ALPK1: variants seen among roughly 807,000 people sequenced by gnomAD.
ALPK1 encodes alpha kinase 1.
A neutral mutation model predicts 120.6 loss-of-function variants in ALPK1; 110 were observed. The observed-to-expected ratio is 0.91, with a 90% CI of 0.78 to 1.07. The LOEUF (loss-of-function observed/expected upper bound fraction) is 1.07, where lower values mean the gene tolerates loss of function less well. Ranked by LOEUF, ALPK1 falls within the 50% of genes least tolerant of loss-of-function variation. The pLI, the probability that ALPK1 is intolerant of heterozygous loss-of-function variation, is 0.00. For missense variants in ALPK1, 1,498 were observed against 1,483.9 expected, an observed-to-expected ratio of 1.01 and a Z score of -0.16; for synonymous variants, 582 against 560.3, an observed-to-expected ratio of 1.04 and a Z score of -0.55.
At chr4:112,429,293 T>C in intron 10 of ALPK1, 40 bp downstream of exon 10, 1 of 1,495,530 alleles carries the variant, frequency 6.7e-7, no homozygotes, top group Non-Finnish European at 9.2e-7. Context: ...CCACAGGACC[T>C]CTCCCAGGGT....
At chr4:112,361,449 C>T (rs1462479562) in intron 2 of ALPK1, among the ~76,000 whole-genome samples, 1 of 152,202 alleles carries the variant, frequency 6.6e-6, no homozygotes, top group Non-Finnish European at 1.5e-5. Flanking sequence ...GGCATTCCCC[C>T]ACTTCTCTGG....
intron 2 of ALPK1, among the ~76,000 whole-genome samples, chr4:112,369,263 T>C (rs1731292518): frequency 6.6e-6 from 1 of 152,198 alleles, no homozygotes. Context: ...CAATAATATC[T>C]TTCTGAGCCC....
chr4:112,324,141 T>C (rs972750653), intron 2 of ALPK1, among the ~76,000 whole-genome samples: 15 of 151,964 alleles, frequency 9.9e-5, no homozygotes, highest in African/African-American at 1.7e-4. Context: ...TCCTGGCTAA[T>C]ACAGTGAAAC....
At chr4:112,358,693 A>T (rs1222768360) in intron 2 of ALPK1, 1 of 741,280 alleles carries the variant, frequency 1.3e-6, no homozygotes, top group Non-Finnish European at 2.5e-6. Context: ...AGGCTGGCAG[A>T]GGAGCCGCAA....
intron 5 of ALPK1, among the ~76,000 whole-genome samples, chr4:112,417,298 A>G (rs1428648332): frequency 3.3e-5 from 5 of 152,222 alleles, no homozygotes; most frequent in African/African-American, 1.2e-4. Context: ...ATGACTAAAG[A>G]ATGTGGTAAA....
chr4:112,422,198 T>C (rs1011029979), intron 5 of ALPK1, among the ~76,000 whole-genome samples: 2 of 152,180 alleles, frequency 1.3e-5, no homozygotes, highest in African/African-American at 2.4e-5. Flanking sequence ...AACTTATGAA[T>C]TGTTTATTCC....
At chr4:112,383,313 A>G (rs1162642716) in intron 4 of ALPK1, 1 of 151,608 alleles carries the variant, frequency 6.6e-6, no homozygotes, top group African/African-American at 2.4e-5. Context: ...TTTCTCAAAT[A>G]AAAAATATAT....
intron 11 of ALPK1, among the ~76,000 whole-genome samples, chr4:112,433,325 T>C (rs1412165818): frequency 1.3e-5 from 2 of 152,180 alleles, no homozygotes; most frequent in Non-Finnish European, 2.9e-5. Flanking sequence ...TGTCCTCACA[T>C]AGTGGAAGGG....
chr4:112,334,012 T>G (rs751207729), intron 2 of ALPK1, among the ~76,000 whole-genome samples: 7 of 152,188 alleles, frequency 4.6e-5, no homozygotes, highest in Non-Finnish European at 1.0e-4. Context: ...ACTGATGTAT[T>G]GTTTGTTCTT....
At chr4:112,359,194 C>A in intron 2 of ALPK1, 2 of 609,284 alleles carry the variant, frequency 3.3e-6, no homozygotes, top group Non-Finnish European at 6.0e-6. Context: ...CCACCCCCCA[C>A]AGGAGACCCT....
chr4:112,413,044 T>C (rs573720939), intron 5 of ALPK1, among the ~76,000 whole-genome samples: 1 of 152,244 alleles, frequency 6.6e-6, no homozygotes, highest in Non-Finnish European at 1.5e-5. Context: ...GTCTTGTTAT[T>C]TACTTATCTC....
At chr4:112,387,656 C>T (rs1434528001) in intron 4 of ALPK1, among the ~76,000 whole-genome samples, 1 of 151,962 alleles carries the variant, frequency 6.6e-6, no homozygotes, top group Non-Finnish European at 1.5e-5. Context: ...TCTGTGGTGC[C>T]CTGGAGTGAT....
At chr4:112,342,873 A>G (rs532383294) in intron 2 of ALPK1, 5 of 152,356 alleles carry the variant, frequency 3.3e-5, no homozygotes, top group Admixed American at 6.5e-5. Flanking sequence ...AGACTTGGGT[A>G]CTTTAGATCC....
In ALPK1 at chr4:112,377,852, G is replaced by T. The variant is rs61747962; in HGVS notation, c.75G>T (p.Ala25=). ...KQVLDQLLLE[A]PDVSEEDKSE... Reference sequence around the variant, plus strand: ...TGCTGGATCAGCTCTTGTTGGAAGCGCCAGATGTGTCGGAAGAGGACAAGA... The same window carrying T: ...TGCTGGATCAGCTCTTGTTGGAAGCTCCAGATGTGTCGGAAGAGGACAAGA... The change falls in exon 3 of 16, where the codon GCG becomes GCT. Residue 25 remains alanine, a synonymous_variant. Coordinates refer to ENST00000650871, the MANE Select transcript of ALPK1 (RefSeq NM_025144.4). 1 of 1,613,380 alleles carries T rather than the reference G, an allele frequency of 6.2e-7. No homozygotes were observed. Among genetic ancestry groups the T allele is most frequent in the Non-Finnish European group, 8.5e-7 (1 of 1,179,612 alleles).
intron 2 of ALPK1, among the ~76,000 whole-genome samples, chr4:112,369,619 G>T (rs1192145012): frequency 3.1e-4 from 47 of 152,104 alleles, no homozygotes; most frequent in Non-Finnish European, 1.5e-5. Flanking sequence ...GAGGCAGAGG[G>T]TTGCAGTGAG....
At position 112,363,444 on chromosome 4, in the gene ALPK1, A is replaced by C. The variant is rs559373454; in HGVS notation, c.-100-14234A>C. Among the ~76,000 whole-genome samples, 9 of 152,362 alleles carry C rather than the reference A, an allele frequency of 5.9e-5. No homozygotes were observed. The South Asian group carries it at 1.9e-3, about 32-fold the overall frequency. ...ACAAAACAAACTTTAAAGCAACAGC[A>C]GTTAAAAAAGAAAAAGGAATAGTGG... On this transcript the variant is annotated intron_variant, in intron 2 of 15. Coordinates refer to ENST00000650871, the MANE Select transcript of ALPK1 (RefSeq NM_025144.4).
At position 112,315,842 on chromosome 4, in the gene ALPK1, C is replaced by T. The variant is rs965264433; in HGVS notation, c.-111C>T. 3 of 152,036 alleles carry T rather than the reference C, an allele frequency of 2.0e-5. No homozygotes were observed. The South Asian group carries it at 6.2e-4, about 31-fold the overall frequency. The allele number at this position is 152,036 out of a possible 1,614,324, so 9.4% of individuals were successfully genotyped here. ...AGGAATGGATTGAAATCTAATGAACCGAAACTTTGGGTAAGTTTTCATATG... is the reference window on the plus strand; with the variant it reads ...AGGAATGGATTGAAATCTAATGAACTGAAACTTTGGGTAAGTTTTCATATG... On this transcript the variant is annotated 5_prime_UTR_variant, in exon 2 of 16. It introduces an in-frame stop codon into an upstream open reading frame of the 5' UTR. Coordinates refer to ENST00000650871, the MANE Select transcript of ALPK1 (RefSeq NM_025144.4).
chr4:112,338,338 C>A (rs945807471), intron 2 of ALPK1, among the ~76,000 whole-genome samples: 1 of 152,118 alleles, frequency 6.6e-6, no homozygotes, highest in Admixed American at 6.5e-5. Flanking sequence ...AGTAAAATAT[C>A]TTGAATAATT....
chr4:112,387,109 G>A (rs986652863), intron 4 of ALPK1, among the ~76,000 whole-genome samples: 4 of 152,174 alleles, frequency 2.6e-5, no homozygotes, highest in Non-Finnish European at 4.4e-5. Flanking sequence ...GGGCCATGGC[G>A]GTGGAGTGCT....
Sources: allele counts gnomAD v4.1 joint callset (sites outside exome capture counted in the v4.1 genomes callset), GRCh38; gene constraint gnomAD v4.1.1; transcripts MANE v1.5; gene names NCBI Gene and HGNC (gene_info 2026-07-23, HGNC 2026-07-21).